KCNC2: variants seen among roughly 807,000 people sequenced by gnomAD.
The protein encoded by KCNC2 is voltage-gated potassium channel KCNC2.
Under a neutral mutation model 44.5 loss-of-function variants are expected in KCNC2, and 21 were observed. The ratio of observed to expected loss-of-function variants is 0.47; its 90% CI spans 0.33 to 0.68. The LOEUF (loss-of-function observed/expected upper bound fraction) is 0.68. Ranked by LOEUF, KCNC2 falls within the 30% of genes least tolerant of loss-of-function variation. The pLI, the probability that KCNC2 is intolerant of heterozygous loss-of-function variation, is 0.01. For synonymous variants in KCNC2, 391 were observed against 339.1 expected, an observed-to-expected ratio of 1.15 and a Z score of -1.68; for missense variants, 589 against 826.2, an observed-to-expected ratio of 0.71 and a Z score of 3.52.
At chr12:75,117,742 T>G (rs1887773977) in intron 2 of KCNC2, among the ~76,000 whole-genome samples, 1 of 152,072 alleles carries the variant, frequency 6.6e-6, no homozygotes, top group Non-Finnish European at 1.5e-5. Context: ...ATATACACAC[T>G]CTTTAACATT....
At chr12:75,193,979 T>C (rs1056398391) in intron 2 of KCNC2, among the ~76,000 whole-genome samples, 1 of 152,100 alleles carries the variant, frequency 6.6e-6, no homozygotes, top group Non-Finnish European at 1.5e-5. Flanking sequence ...AATTTTCCAA[T>C]TAGTATCTTC....
intron 2 of KCNC2, among the ~76,000 whole-genome samples, chr12:75,068,155 G>A (rs557443410): frequency 9.2e-5 from 14 of 152,170 alleles, no homozygotes; most frequent in Non-Finnish European, 1.5e-4. Flanking sequence ...CATGCTGCTT[G>A]TGTAGTTAGT....
rs373729570 is a variant in KCNC2, at chr12:75,138,979, T to TAAAAAAA, written c.687+68311_687+68317dup. Among the ~76,000 whole-genome samples, 140 of 77,896 alleles carry TAAAAAAA rather than the reference T, an allele frequency of 1.8e-3. 3 individuals carry two copies. The East Asian group carries it at 0.045, about 25-fold the overall frequency. 51.1% of individuals were successfully genotyped at this position (77,896 alleles called of 152,430 possible). On this transcript the variant is annotated intron_variant, in intron 2 of 4. Transcript: ENST00000549446. The stretch of plus-strand genomic sequence containing the variant: ...CTGGGCCACAGAGCGAGACTCCGTG[T>TAAAAAAA]AAAAAAAAAAAAAAAAAAAAAAAAA...
intron 2 of KCNC2, among the ~76,000 whole-genome samples, chr12:75,149,622 A>G (rs1890253126): frequency 6.6e-6 from 1 of 151,832 alleles, no homozygotes; most frequent in Non-Finnish European, 1.5e-5. Context: ...AATCTTCATT[A>G]CTGCTCAACA....
At chr12:75,149,486 C>G (rs1334618394) in intron 2 of KCNC2, among the ~76,000 whole-genome samples, 1 of 151,754 alleles carries the variant, frequency 6.6e-6, no homozygotes, top group South Asian at 2.1e-4. Flanking sequence ...AAGCTGAAAT[C>G]CTCATCTGTA....
chr12:75,149,832 T>A lies in KCNC2; in HGVS notation c.687+57465A>T, dbSNP rs149987322. Reference sequence around the variant, plus strand: ...TAGACTGAAAAAATTCAACATCTTCTTACTCAAATCTTGGGCACTTAGCTA... The same window carrying A: ...TAGACTGAAAAAATTCAACATCTTCATACTCAAATCTTGGGCACTTAGCTA... On this transcript the variant is annotated intron_variant, in intron 2 of 4. Transcript: ENST00000549446. 6.6e-3 allele frequency among the ~76,000 whole-genome samples: 1,009 copies of A among 152,016 alleles called. 3 individuals are homozygous for A. Among genetic ancestry groups the A allele is most frequent in the Non-Finnish European group, 1.0e-2 (677 of 67,842 alleles).
chr12:75,165,829 G>C (rs1891413315), intron 2 of KCNC2, among the ~76,000 whole-genome samples: 1 of 151,460 alleles, frequency 6.6e-6, no homozygotes, highest in Non-Finnish European at 1.5e-5. Context: ...TCAAGTAACA[G>C]ATATCTGGAA....
intron 2 of KCNC2, among the ~76,000 whole-genome samples, chr12:75,086,822 T>G (rs1885073596): frequency 6.6e-6 from 1 of 151,842 alleles, no homozygotes; most frequent in African/African-American, 2.4e-5. Flanking sequence ...ATCTTCTATG[T>G]TACATTCTGA....
At chr12:75,068,050 T>A (rs1285654336) in intron 2 of KCNC2, among the ~76,000 whole-genome samples, 6 of 152,184 alleles carry the variant, frequency 3.9e-5, no homozygotes, top group Non-Finnish European at 8.8e-5. Flanking sequence ...TTGTAAAAGG[T>A]ACAGTGTTGT....
chr12:75,118,451 A>C (rs1397536459), intron 2 of KCNC2, among the ~76,000 whole-genome samples: 1 of 152,022 alleles, frequency 6.6e-6, no homozygotes, highest in Admixed American at 6.6e-5. Flanking sequence ...AGCCCCTCTA[A>C]AGAGTGAAAA....
chr12:75,142,360 A>G (rs1170851859), intron 2 of KCNC2, among the ~76,000 whole-genome samples: 1 of 152,228 alleles, frequency 6.6e-6, no homozygotes, highest in African/African-American at 2.4e-5. Flanking sequence ...TTACAAGTCA[A>G]AAATGAAGAT....
At position 75,207,354 on chromosome 12, in the gene KCNC2, C is replaced by T. The variant is rs1198217564; in HGVS notation, c.630G>A (p.Arg210=). 12 of 1,576,678 alleles carry T rather than the reference C, an allele frequency of 7.6e-6. No individual in the cohort carries two copies. The South Asian group carries it at 1.4e-4, about 18-fold the overall frequency. Residue 210 remains arginine (R), a synonymous_variant, in exon 2 of 5, where the codon AGG becomes AGA. Coordinates refer to ENST00000549446, the MANE Select transcript of KCNC2 (RefSeq NM_139137.4). The surrounding 1 kb of genome is among the most constrained non-coding windows in gnomAD (Gnocchi z 4.1). ...AGAGGGCCCACATGCGGGGCTGCAG[C>T]CTCCTCCAGCGGCCAGATTTGCCGT... The part of the protein sequence containing the change: ...GPDGKSGRWR[R]LQPRMWALFE...
At chr12:75,163,880 C>T (rs566684460) in intron 2 of KCNC2, among the ~76,000 whole-genome samples, 95 of 151,726 alleles carry the variant, frequency 6.3e-4, no homozygotes, top group African/African-American at 2.1e-3. Context: ...TGACCCATTT[C>T]GAAACTGCCA....
intron 2 of KCNC2, among the ~76,000 whole-genome samples, chr12:75,108,959 T>C (rs990422903): frequency 6.6e-6 from 1 of 152,114 alleles, no homozygotes; most frequent in African/African-American, 2.4e-5. Context: ...AGGCTCAGGG[T>C]AAGTTGAAAA....
chr12:75,115,370 G>C lies in KCNC2; in HGVS notation c.688-64053C>G, dbSNP rs1023314375. Among the ~76,000 whole-genome samples, 13 of 152,332 alleles carry C rather than the reference G, an allele frequency of 8.5e-5. No individual in the cohort carries two copies. In the South Asian group the frequency reaches 2.5e-3, roughly 29 times the overall value. On this transcript the variant is annotated intron_variant, in intron 2 of 4. Transcript: ENST00000549446. ...GGCATGGTTATTCAATTTTACAGATGAAGAAGCTGAGCTTCTGAGAGATGC... is the reference window on the plus strand; with the variant it reads ...GGCATGGTTATTCAATTTTACAGATCAAGAAGCTGAGCTTCTGAGAGATGC...
chr12:75,073,529 T>C (rs771630957), intron 2 of KCNC2, among the ~76,000 whole-genome samples: 4 of 152,302 alleles, frequency 2.6e-5, no homozygotes, highest in African/African-American at 4.8e-5. Flanking sequence ...AGTTGCAATA[T>C]TATACTAGAA....
intron 2 of KCNC2, chr12:75,123,929 C>T (rs527352856): frequency 3.3e-5 from 5 of 152,134 alleles, no homozygotes; most frequent in African/African-American, 1.2e-4. Context: ...ATCAACACTA[C>T]GATTTCTAAA....
intron 2 of KCNC2, chr12:75,124,034 C>A (rs1038957084): frequency 6.6e-6 from 1 of 152,144 alleles, no homozygotes; most frequent in African/African-American, 2.4e-5. Flanking sequence ...AAGGTCAAAG[C>A]GTTCAAATCT....
chr12:75,095,355 C>T (rs1885833440), intron 2 of KCNC2, among the ~76,000 whole-genome samples: 1 of 151,760 alleles, frequency 6.6e-6, no homozygotes, highest in African/African-American at 2.4e-5. Context: ...TTTAATCTCC[C>T]ACTGTTGCTG....
Sources: gnomAD v4.1 joint callset for allele counts (sites outside exome capture counted in the v4.1 genomes callset) on GRCh38, gnomAD v4.1.1 for gene constraint, Gnocchi (gnomAD v3.1) non-coding constraint, MANE v1.5 for transcripts, NCBI Gene and HGNC (gene_info 2026-07-23, HGNC 2026-07-21) for gene names.